KALRN: variants seen among roughly 807,000 people sequenced by gnomAD.
KALRN encodes the protein kalirin.
KALRN carries 70 observed loss-of-function variants against 353.7 expected under a neutral mutation model. That is an observed-to-expected ratio of 0.20 (90% confidence interval 0.16 to 0.24). KALRN has a LOEUF of 0.24. Among genes scored for constraint, KALRN ranks in the 10% least tolerant of loss-of-function variants. The pLI is 1.00. For missense variants in KALRN, 2,791 were observed against 3,756.7 expected (o/e 0.74, Z 6.72); for synonymous variants, 1,391 against 1,434.8 (o/e 0.97, Z 0.69).
At position 124,109,823 on chromosome 3, in the gene KALRN, GAT is replaced by G. The variant is rs60724531; in HGVS notation, c.73+76019_73+76020del. 1.8e-3 allele frequency among the ~76,000 whole-genome samples: 2 copies of G among 1,128 alleles called. 1 individual carries two copies. Among genetic ancestry groups the G allele is most frequent in the Non-Finnish European group, 3.9e-3 (2 of 516 alleles). The allele number at this position is 1,128 out of a possible 152,430, so 0.7% of individuals were successfully genotyped here. Reference sequence around the variant, plus strand: ...ATATATGACATATATATCATACTTTGATATATATATGACATATATATCATACT... The same window carrying G: ...ATATATGACATATATATCATACTTTGATATATATGACATATATATCATACT... On this transcript the variant is annotated intron_variant, in intron 1 of 59. Coordinates refer to ENST00000682506, the MANE Select transcript of KALRN (RefSeq NM_001388419.1).
intron 30 of KALRN, 25 bp downstream of exon 30, chr3:124,490,909 C>T: frequency 6.3e-7 from 1 of 1,586,626 alleles, no homozygotes; most frequent in Non-Finnish European, 8.6e-7. Flanking sequence ...TGGGGTAAGA[C>T]AAGACTCCCT....
At chr3:124,193,731 G>A (rs1330536945) in intron 1 of KALRN, among the ~76,000 whole-genome samples, 3 of 151,626 alleles carry the variant, frequency 2.0e-5, no homozygotes, top group Non-Finnish European at 2.9e-5. Flanking sequence ...TTAACCTTTG[G>A]TATATGCCCT....
At position 124,702,020 on chromosome 3, in the gene KALRN, A is replaced by C. The variant is rs757896399; in HGVS notation, c.7997-18A>C. On this transcript the variant is annotated intron_variant, in intron 56 of 59. Transcript: ENST00000682506. ...ATGACATCCTCGATATTGTAAATGG[A>C]TTCTCTTTCTTCCGAAGATGCTGCT... is the stretch of plus-strand genomic sequence containing the variant. 3 of 1,604,710 alleles carry C rather than the reference A, an allele frequency of 1.9e-6. No individual in the cohort carries two copies. Among genetic ancestry groups the C allele is most frequent in the Non-Finnish European group, 2.6e-6 (3 of 1,172,082 alleles).
At chr3:124,712,909 G>C in intron 57 of KALRN, 26 bp from the exon 58 acceptor site, 1 of 1,553,092 alleles carries the variant, frequency 6.4e-7, no homozygotes, top group Admixed American at 1.7e-5. Flanking sequence ...ATGAATGTTG[G>C]CAAACTCTCC....
chr3:124,490,459 T>C (rs551089785), intron 29 of KALRN, among the ~76,000 whole-genome samples: 1 of 152,150 alleles, frequency 6.6e-6, no homozygotes, highest in Admixed American at 6.5e-5. Flanking sequence ...TCCACTAATA[T>C]TGGTTATGTA....
At chr3:124,688,403 T>A (rs941692881) in intron 51 of KALRN, among the ~76,000 whole-genome samples, 2 of 152,176 alleles carry the variant, frequency 1.3e-5, no homozygotes, top group African/African-American at 2.4e-5. Context: ...CACGAAGGGT[T>A]AAACCTTCAA....
intron 17 of KALRN, among the ~76,000 whole-genome samples, chr3:124,438,678 A>G (rs2093563847): frequency 8.5e-6 from 1 of 118,106 alleles, no homozygotes; most frequent in African/African-American, 2.6e-5. Flanking sequence ...CCATAAAAAG[A>G]TGATTCCAAA....
intron 1 of KALRN, among the ~76,000 whole-genome samples, chr3:124,120,503 C>T (rs1018629743): frequency 6.6e-6 from 1 of 152,010 alleles, no homozygotes; most frequent in Non-Finnish European, 1.5e-5. Context: ...TTGCCTTAGA[C>T]TTCCCATTTT....
chr3:124,064,819 G>A (rs1386083259), intron 1 of KALRN, among the ~76,000 whole-genome samples: 1 of 152,150 alleles, frequency 6.6e-6, no homozygotes, highest in African/African-American at 2.4e-5. Flanking sequence ...CTACACACAC[G>A]TTGTTTCCAA....
At chr3:124,639,619 G>A (rs1177587485) in intron 37 of KALRN, among the ~76,000 whole-genome samples, 2 of 152,142 alleles carry the variant, frequency 1.3e-5, no homozygotes, top group African/African-American at 4.8e-5. Flanking sequence ...TGTAAGCAAA[G>A]ACATAGAAAA....
intron 59 of KALRN, 119 bp downstream of exon 59, chr3:124,717,504 G>C (rs1025254727): frequency 3.4e-5 from 18 of 530,082 alleles, no homozygotes; most frequent in African/African-American, 3.3e-4. Flanking sequence ...GGCTGACACG[G>C]TGAAACCCCG....
chr3:124,261,553 C>T (rs975229273), intron 3 of KALRN, among the ~76,000 whole-genome samples: 3 of 152,296 alleles, frequency 2.0e-5, no homozygotes, highest in African/African-American at 7.2e-5. Context: ...TATTGAGAAC[C>T]TCCTACGGAA....
intron 10 of KALRN, among the ~76,000 whole-genome samples, chr3:124,365,231 T>TA (rs2084526084): frequency 6.6e-6 from 1 of 152,216 alleles, no homozygotes; most frequent in African/African-American, 2.4e-5. Flanking sequence ...CCATGCCTTA[T>TA]ATACTGAGCA....
intron 1 of KALRN, among the ~76,000 whole-genome samples, chr3:124,137,565 C>G (rs1469578632): frequency 6.6e-6 from 1 of 152,184 alleles, no homozygotes; most frequent in African/African-American, 2.4e-5. Flanking sequence ...CCCTCTCTCT[C>G]TCCAAGTGTG....
At chr3:124,707,580 G>A (rs2062696237) in intron 57 of KALRN, among the ~76,000 whole-genome samples, 2 of 152,022 alleles carry the variant, frequency 1.3e-5, no homozygotes, top group Non-Finnish European at 2.9e-5. Context: ...TGCACAAACA[G>A]CAAAAACTCC....
intron 9 of KALRN, among the ~76,000 whole-genome samples, chr3:124,344,355 A>G (rs928643511): frequency 6.6e-6 from 1 of 152,228 alleles, no homozygotes; most frequent in Non-Finnish European, 1.5e-5. Context: ...CTGCTCAGGA[A>G]CATGTTTCTC....
At chr3:124,326,962 T>C (rs2079979577) in intron 7 of KALRN, among the ~76,000 whole-genome samples, 1 of 152,242 alleles carries the variant, frequency 6.6e-6, no homozygotes. Context: ...CATTTTTATG[T>C]ATTTATTTTT....
intron 8 of KALRN, among the ~76,000 whole-genome samples, chr3:124,333,639 G>A (rs978251094): frequency 9.9e-5 from 15 of 152,238 alleles, no homozygotes; most frequent in Middle Eastern, 3.4e-3. Context: ...TGTAATCCAA[G>A]CACTTTGGGA....
intron 1 of KALRN, among the ~76,000 whole-genome samples, chr3:124,218,156 T>G (rs1396648550): frequency 6.6e-6 from 1 of 152,122 alleles, no homozygotes; most frequent in East Asian, 1.9e-4. Context: ...ATCCAAGAGG[T>G]GCTGGACAAT....
Sources: allele counts gnomAD v4.1 joint callset (sites outside exome capture counted in the v4.1 genomes callset), GRCh38; gene constraint gnomAD v4.1.1; transcripts MANE v1.5; gene names NCBI Gene and HGNC (gene_info 2026-07-23, HGNC 2026-07-21).